ARHGAP24: variants seen among roughly 807,000 people sequenced by gnomAD.
The protein encoded by ARHGAP24 is Rho GTPase activating protein 24.
A neutral mutation model predicts 76.4 loss-of-function variants in ARHGAP24; 50 were observed. The ratio of observed to expected loss-of-function variants is 0.65; its 90% CI spans 0.52 to 0.83. The LOEUF is 0.83. ARHGAP24 is among the 40% of genes least tolerant of loss of function. ARHGAP24 has a pLI of 0.00. For missense variants in ARHGAP24, 930 were observed against 914.2 expected, an observed-to-expected ratio of 1.02 and a Z score of -0.22; for synonymous variants, 345 against 323.3, an observed-to-expected ratio of 1.07 and a Z score of -0.72.
At chr4:85,788,446 T>A (rs1560633815) in intron 3 of ARHGAP24, among the ~76,000 whole-genome samples, 1 of 152,192 alleles carries the variant, frequency 6.6e-6, no homozygotes. Context: ...TTATCGAAAG[T>A]GTAAAGTATA....
intron 4 of ARHGAP24, chr4:85,930,756 T>C: frequency 7.4e-7 from 1 of 1,355,968 alleles, no homozygotes; most frequent in Non-Finnish European, 9.5e-7. Context: ...CAGGAGTAAA[T>C]GAGAGGTGGT....
At chr4:85,631,769 A>G (rs1160661840) in intron 2 of ARHGAP24, among the ~76,000 whole-genome samples, 4 of 152,024 alleles carry the variant, frequency 2.6e-5, no homozygotes, top group African/African-American at 4.8e-5. Context: ...GTGAGTGAAA[A>G]AAAATTGTGT....
chr4:85,516,357 T>A lies in ARHGAP24; in HGVS notation c.-21+40798T>A, dbSNP rs566544043. On this transcript the variant is annotated intron_variant, in intron 1 of 9. Coordinates refer to ENST00000395184, the MANE Select transcript of ARHGAP24 (RefSeq NM_001025616.3). The stretch of plus-strand genomic sequence containing the variant: ...TTCTTAAATATATGTCTAACTCATA[T>A]TTGTTTCAATGTTTTTGGAACCAGA... Among the ~76,000 whole-genome samples the A allele has an allele frequency of 2.6e-5, 4 of 152,348 alleles. No homozygotes were observed. The East Asian group carries it at 7.7e-4, about 29-fold the overall frequency.
chr4:85,899,055 T>A (rs2008488), intron 3 of ARHGAP24, among the ~76,000 whole-genome samples: 51,182 of 152,128 alleles, frequency 0.34, 9,604 homozygotes, highest in Non-Finnish European at 0.43. Flanking sequence ...GTGTATACAT[T>A]TTTTAATGAC....
rs111825013 is a variant in ARHGAP24, at chr4:85,862,581, T to G, written c.269-61067T>G. Among the ~76,000 whole-genome samples, 1,135 of 152,174 alleles carry G rather than the reference T, an allele frequency of 7.5e-3. 10 individuals are homozygous for G. Among genetic ancestry groups the G allele is most frequent in the African/African-American group, 0.026 (1,076 of 41,552 alleles). On this transcript the variant is annotated intron_variant, in intron 3 of 9. Transcript: ENST00000395184. ...CTTCTCAGGCCATATTTAGTTTGCTTTAACAGGGCTCACCCCCTACTCTGA... is the reference window on the plus strand; with the variant it reads ...CTTCTCAGGCCATATTTAGTTTGCTGTAACAGGGCTCACCCCCTACTCTGA...
intron 8 of ARHGAP24, among the ~76,000 whole-genome samples, chr4:85,982,917 C>T (rs147307385): frequency 0.042 from 6,385 of 152,126 alleles, 181 homozygotes; most frequent in Non-Finnish European, 0.059. Flanking sequence ...TGATGTTTTC[C>T]CTTCCCCCCC....
chr4:85,654,546 G>C (rs1017257589), intron 2 of ARHGAP24, among the ~76,000 whole-genome samples: 1 of 152,120 alleles, frequency 6.6e-6, no homozygotes, highest in Admixed American at 6.5e-5. Context: ...TGTTAGAGAT[G>C]AGATTCAAAC....
At chr4:85,786,350 A>T (rs1313320364) in intron 3 of ARHGAP24, among the ~76,000 whole-genome samples, 1 of 152,238 alleles carries the variant, frequency 6.6e-6, no homozygotes, top group African/African-American at 2.4e-5. Flanking sequence ...GGCTGTCAGC[A>T]GGAATAACAT....
intron 3 of ARHGAP24, among the ~76,000 whole-genome samples, chr4:85,801,114 T>A (rs966419500): frequency 6.6e-6 from 1 of 152,116 alleles, no homozygotes; most frequent in Non-Finnish European, 1.5e-5. Context: ...CTATCTATAG[T>A]TTTATATTTT....
At chr4:85,839,928 C>A (rs1418897996) in intron 3 of ARHGAP24, among the ~76,000 whole-genome samples, 1 of 140,094 alleles carries the variant, frequency 7.1e-6, no homozygotes, top group Non-Finnish European at 1.5e-5. Context: ...TGGCTCACTG[C>A]AACCTCTGCC....
intron 3 of ARHGAP24, among the ~76,000 whole-genome samples, chr4:85,726,320 TTC>T (rs1440796033): frequency 1.3e-5 from 2 of 152,152 alleles, no homozygotes; most frequent in Non-Finnish European, 2.9e-5. Flanking sequence ...TTAGATTGGA[TTC>T]CAGGAAACAC....
chr4:85,588,680 T>A (rs984395168), intron 2 of ARHGAP24, among the ~76,000 whole-genome samples: 4 of 152,244 alleles, frequency 2.6e-5, no homozygotes, highest in African/African-American at 9.6e-5. Flanking sequence ...TACAGAGAAG[T>A]ATATATTATT....
chr4:85,834,010 A>T (rs960727421), intron 3 of ARHGAP24, among the ~76,000 whole-genome samples: 1 of 152,242 alleles, frequency 6.6e-6, no homozygotes. Context: ...TAAATCACAT[A>T]TTACGAAGTT....
At chr4:85,673,770 G>T (rs1722884501) in intron 2 of ARHGAP24, among the ~76,000 whole-genome samples, 1 of 146,758 alleles carries the variant, frequency 6.8e-6, no homozygotes, top group Non-Finnish European at 1.5e-5. Flanking sequence ...CTAAATTCTG[G>T]TTAGTTTACT....
chr4:85,943,652 C>T (rs527711608), intron 5 of ARHGAP24, among the ~76,000 whole-genome samples: 2 of 152,138 alleles, frequency 1.3e-5, no homozygotes, highest in African/African-American at 2.4e-5. Context: ...ATGTTCCCCT[C>T]CCTGTGTCCA....
chr4:85,935,451 A>G lies in ARHGAP24; in HGVS notation c.392-6615A>G, dbSNP rs535396754. Among the ~76,000 whole-genome samples the G allele has an allele frequency of 3.9e-5, 6 of 152,338 alleles. No homozygotes were observed. The South Asian group carries it at 1.2e-3, about 32-fold the overall frequency. On this transcript the variant is annotated intron_variant, in intron 4 of 9. Coordinates refer to ENST00000395184, the MANE Select transcript of ARHGAP24 (RefSeq NM_001025616.3). ...CAGTGATTCACATAAACTAAAGGAA[A>G]TCGGGTTTGGTCTTTGAAAGTTACA...
intron 2 of ARHGAP24, among the ~76,000 whole-genome samples, chr4:85,662,655 A>G (rs1722444667): frequency 6.6e-6 from 1 of 151,934 alleles, no homozygotes; most frequent in Admixed American, 6.6e-5. Flanking sequence ...TTTTAGGTCT[A>G]ACGTTTAAGT....
chr4:85,968,719 A>G (rs952232565), intron 5 of ARHGAP24, among the ~76,000 whole-genome samples: 3 of 152,140 alleles, frequency 2.0e-5, no homozygotes, highest in Non-Finnish European at 4.4e-5. Flanking sequence ...TCCAGAAATG[A>G]TTATTTTCTT....
At chr4:85,926,024 C>T (rs565060696) in intron 4 of ARHGAP24, among the ~76,000 whole-genome samples, 2 of 150,302 alleles carry the variant, frequency 1.3e-5, no homozygotes, top group East Asian at 3.9e-4. Flanking sequence ...TCCCCTTTCT[C>T]CTCTTCCATC....
Sources: allele counts gnomAD v4.1 joint callset (sites outside exome capture counted in the v4.1 genomes callset), GRCh38; gene constraint gnomAD v4.1.1; transcripts MANE v1.5; gene names NCBI Gene and HGNC (gene_info 2026-07-23, HGNC 2026-07-21).